The following CDH18 variants were observed in gnomAD, a reference collection of about 807,000 sequenced individuals.
CDH18 encodes the protein cadherin-18.
CDH18 carries 31 observed loss-of-function variants against 67.9 expected under a neutral mutation model. That is an observed-to-expected ratio of 0.46 (90% CI 0.34 to 0.62). The LOEUF is 0.62. Among genes scored for constraint, CDH18 ranks in the 20% least tolerant of loss-of-function variants. The pLI is 0.01. For missense variants in CDH18, 890 were observed against 975.5 expected (o/e 0.91, Z 1.17); for synonymous variants, 362 against 347.2 (o/e 1.04, Z -0.48).
intron 2 of CDH18, among the ~76,000 whole-genome samples, chr5:20,122,029 T>TC (rs1303322366): frequency 3.3e-5 from 5 of 151,938 alleles, no homozygotes; most frequent in Non-Finnish European, 7.4e-5. Context: ...TGTTGATCCC[T>TC]CCCCCCTCTC....
chr5:20,309,096 G>A (rs542973819), intron 1 of CDH18, among the ~76,000 whole-genome samples: 11 of 152,280 alleles, frequency 7.2e-5, no homozygotes, highest in African/African-American at 2.6e-4. Context: ...ATCGACATGC[G>A]TATGTGAGGT....
chr5:20,005,036 CA>C (rs1439724739), intron 2 of CDH18, among the ~76,000 whole-genome samples: 1 of 152,062 alleles, frequency 6.6e-6, no homozygotes, highest in Non-Finnish European at 1.5e-5. Context: ...TGAGGGAAGA[CA>C]CAAGTCTTTC....
rs564577350 is a variant in CDH18, at chr5:19,866,078, A to G, written c.-256-26836T>C. ...AACAACAACAACAAAAGCCCTGCTC[A>G]TTGTTTAAGGCATAAACTTGTGGAT... is the stretch of plus-strand genomic sequence containing the variant. On this transcript the variant is annotated intron_variant, in intron 2 of 12. Transcript: ENST00000382275. Among the ~76,000 whole-genome samples, 3 of 152,216 alleles carry G rather than the reference A, an allele frequency of 2.0e-5. No homozygotes were observed. The East Asian group carries it at 5.8e-4, about 30-fold the overall frequency.
At chr5:20,329,084 T>G (rs1378332918) in intron 1 of CDH18, among the ~76,000 whole-genome samples, 1 of 152,204 alleles carries the variant, frequency 6.6e-6, no homozygotes, top group Non-Finnish European at 1.5e-5. Flanking sequence ...AAGCATGAAC[T>G]GTTTTAATAT....
chr5:20,222,177 T>C (rs1256681339), intron 2 of CDH18, among the ~76,000 whole-genome samples: 1 of 152,064 alleles, frequency 6.6e-6, no homozygotes, highest in African/African-American at 2.4e-5. Flanking sequence ...CTAGACCACA[T>C]AGATGCTAAC....
intron 1 of CDH18, among the ~76,000 whole-genome samples, chr5:20,440,395 G>A (rs1006210563): frequency 1.3e-5 from 2 of 151,854 alleles, no homozygotes; most frequent in African/African-American, 4.9e-5. Context: ...ACACATGTGA[G>A]GTTATGCCTA....
intron 5 of CDH18, among the ~76,000 whole-genome samples, chr5:19,710,791 T>A (rs796142106): frequency 1.6e-4 from 24 of 152,222 alleles, no homozygotes; most frequent in African/African-American, 5.8e-4. Context: ...AATGTAGGCC[T>A]TCAATAAAGA....
At chr5:19,798,849 A>G (rs1777125335) in intron 3 of CDH18, among the ~76,000 whole-genome samples, 1 of 152,112 alleles carries the variant, frequency 6.6e-6, no homozygotes, top group Non-Finnish European at 1.5e-5. Context: ...TTTGGAAATT[A>G]GGGAAATTGG....
intron 1 of CDH18, among the ~76,000 whole-genome samples, chr5:20,376,059 G>A (rs977447864): frequency 7.1e-6 from 1 of 141,410 alleles, no homozygotes; most frequent in Non-Finnish European, 1.5e-5. Context: ...AAAATCTAAC[G>A]GATCAAACAG....
intron 1 of CDH18, among the ~76,000 whole-genome samples, chr5:20,456,509 G>A (rs1336364983): frequency 6.6e-6 from 1 of 152,028 alleles, no homozygotes; most frequent in Non-Finnish European, 1.5e-5. Flanking sequence ...ATCATTCATT[G>A]TAGGCTATCA....
At chr5:19,486,562 C>T (rs1174724507) in intron 11 of CDH18, among the ~76,000 whole-genome samples, 6 of 151,998 alleles carry the variant, frequency 3.9e-5, no homozygotes, top group Admixed American at 6.6e-5. Flanking sequence ...GAGGCCAAGG[C>T]GGGTGGATCA....
intron 1 of CDH18, among the ~76,000 whole-genome samples, chr5:20,296,389 G>C (rs1747530850): frequency 6.6e-6 from 1 of 151,462 alleles, no homozygotes; most frequent in Non-Finnish European, 1.5e-5. Flanking sequence ...AGCCTCCTGA[G>C]TAGCTGGGAC....
intron 11 of CDH18, among the ~76,000 whole-genome samples, chr5:19,500,669 C>G (rs886627001): frequency 6.6e-6 from 1 of 152,158 alleles, no homozygotes; most frequent in African/African-American, 2.4e-5. Context: ...ACTTCTCACA[C>G]TCAAGCTACT....
At chr5:19,596,414 A>T (rs527399287) in intron 6 of CDH18, among the ~76,000 whole-genome samples, 1 of 152,320 alleles carries the variant, frequency 6.6e-6, no homozygotes, top group African/African-American at 2.4e-5. Flanking sequence ...CAGAGACTAG[A>T]AGGAGTCAAT....
intron 3 of CDH18, among the ~76,000 whole-genome samples, chr5:19,806,682 A>G (rs1322110220): frequency 1.3e-5 from 2 of 152,152 alleles, no homozygotes; most frequent in African/African-American, 4.8e-5. Flanking sequence ...TTGTCACTTC[A>G]ATCATTATGT....
At chr5:19,539,024 C>G (rs1419788567) in intron 9 of CDH18, among the ~76,000 whole-genome samples, 1 of 152,116 alleles carries the variant, frequency 6.6e-6, no homozygotes, top group Non-Finnish European at 1.5e-5. Context: ...TTAAGGTTGA[C>G]AAACAATTGT....
At chr5:19,485,838 A>G (rs914085871) in intron 11 of CDH18, among the ~76,000 whole-genome samples, 11 of 152,174 alleles carry the variant, frequency 7.2e-5, no homozygotes, top group Admixed American at 7.2e-4. Flanking sequence ...CTCAGGAAAC[A>G]CGAATAATAA....
At chr5:19,871,391 CT>C (rs143076936) in intron 2 of CDH18, among the ~76,000 whole-genome samples, 47,169 of 151,926 alleles carry the variant, frequency 0.31, 8,104 homozygotes, top group South Asian at 0.39. Context: ...CTTATCACAT[CT>C]TTTTTTATTT....
In CDH18 at chr5:19,963,523, T is replaced by C. The variant is rs1561642482; in HGVS notation, c.-257+17537A>G. Reference sequence around the variant, plus strand: ...TGCTGTTCTAGTGATAGTGAGTGAGTTCTCGTGAGATCTGTTGGTTGTATA... The same window carrying C: ...TGCTGTTCTAGTGATAGTGAGTGAGCTCTCGTGAGATCTGTTGGTTGTATA... On this transcript the variant is annotated intron_variant, in intron 2 of 12. Transcript: ENST00000382275. 2.0e-5 allele frequency among the ~76,000 whole-genome samples: 3 copies of C among 152,006 alleles called. No homozygotes were observed. In the East Asian group the frequency reaches 5.9e-4, roughly 30 times the overall value.
Sources: allele counts gnomAD v4.1 joint callset (sites outside exome capture counted in the v4.1 genomes callset), GRCh38; gene constraint gnomAD v4.1.1; transcripts MANE v1.5; gene names NCBI Gene and HGNC (gene_info 2026-07-23, HGNC 2026-07-21).